The following MPP7 variants were observed in gnomAD, a reference collection of about 807,000 sequenced individuals.
MPP7 encodes the protein MAGUK p55 scaffold protein 7.
Under a neutral mutation model 76.5 loss-of-function variants are expected in MPP7, and 60 were observed. That is an observed-to-expected ratio of 0.78 (90% CI 0.64 to 0.97). MPP7 has a LOEUF of 0.97. Ranked by LOEUF, MPP7 falls within the 50% of genes least tolerant of loss-of-function variation. The pLI, the probability that MPP7 is intolerant of heterozygous loss-of-function variation, is 0.00. For synonymous variants in MPP7, 237 were observed against 244.5 expected (o/e 0.97, Z 0.29); for missense variants, 641 against 694.0 (o/e 0.92, Z 0.86).
chr10:28,102,576 A>T (rs1853875816), intron 11 of MPP7, among the ~76,000 whole-genome samples: 1 of 152,174 alleles, frequency 6.6e-6, no homozygotes, highest in Admixed American at 6.5e-5. Flanking sequence ...TGTCAACTCA[A>T]TACGCCTCAA....
At chr10:28,298,195 T>C (rs551794497) in intron 1 of MPP7, among the ~76,000 whole-genome samples, 5 of 152,204 alleles carry the variant, frequency 3.3e-5, no homozygotes, top group African/African-American at 7.2e-5. Flanking sequence ...CTTAATGGCA[T>C]CTAGAATTGT....
chr10:28,150,115 C>G (rs1280666045), intron 3 of MPP7, 56 bp from the exon 4 acceptor site: 1 of 1,237,196 alleles, frequency 8.1e-7, no homozygotes, highest in African/African-American at 1.5e-5. Context: ...TCTCAGATAG[C>G]TGCACATTTT....
intron 3 of MPP7, among the ~76,000 whole-genome samples, chr10:28,164,826 T>C (rs1242649713): frequency 6.6e-6 from 1 of 152,100 alleles, no homozygotes; most frequent in Non-Finnish European, 1.5e-5. Context: ...GGCTGAGGGA[T>C]GAAGAATAAG....
chr10:28,156,091 G>T (rs1836052743), intron 3 of MPP7, among the ~76,000 whole-genome samples: 2 of 152,336 alleles, frequency 1.3e-5, no homozygotes, highest in South Asian at 2.1e-4. Flanking sequence ...AAAAGATGAA[G>T]TATCAACATA....
intron 3 of MPP7, among the ~76,000 whole-genome samples, chr10:28,166,286 C>T (rs1366893297): frequency 6.6e-6 from 1 of 151,950 alleles, no homozygotes; most frequent in Non-Finnish European, 1.5e-5. Flanking sequence ...TACCAACAAA[C>T]CATCCACTAG....
rs180795085 is a variant in MPP7, at chr10:28,211,685, G to A, written c.38-9414C>T. Among the ~76,000 whole-genome samples, 671 of 152,070 alleles carry A rather than the reference G, an allele frequency of 4.4e-3. 5 individuals carry two copies. Among genetic ancestry groups the A allele is most frequent in the African/African-American group, 0.015 (638 of 41,480 alleles). ...GATAATTACAAGCTGTCATCATTTC[G>A]AATTAATAAGATTGCATTATCTTTT... On this transcript the variant is annotated intron_variant, in intron 2 of 16. Transcript: ENST00000683449.
At chr10:28,284,876 G>T (rs941123320) in intron 1 of MPP7, among the ~76,000 whole-genome samples, 1 of 152,044 alleles carries the variant, frequency 6.6e-6, no homozygotes, top group African/African-American at 2.4e-5. Context: ...CTAAAGACAA[G>T]AACAAGTGTT....
intron 11 of MPP7, among the ~76,000 whole-genome samples, chr10:28,097,640 CATTAT>C (rs1248031647): frequency 6.6e-6 from 1 of 152,062 alleles, no homozygotes; most frequent in Non-Finnish European, 1.5e-5. Flanking sequence ...ATTTCTATTA[CATTAT>C]GTTAGGTATG....
chr10:28,254,049 T>C (rs1332501278), intron 1 of MPP7, among the ~76,000 whole-genome samples: 6 of 139,446 alleles, frequency 4.3e-5, no homozygotes, highest in Admixed American at 2.8e-4. Context: ...TTTTGCTATA[T>C]CCATTCTTAT....
At chr10:28,124,596 C>T (rs1364949688) in intron 7 of MPP7, among the ~76,000 whole-genome samples, 1 of 150,694 alleles carries the variant, frequency 6.6e-6, no homozygotes, top group South Asian at 2.1e-4. Flanking sequence ...CTGCCTCAGC[C>T]TTGCAAGTAG....
chr10:28,309,274 C>G (rs1371696799), intron 2 of MPP7, among the ~76,000 whole-genome samples: 1 of 151,876 alleles, frequency 6.6e-6, no homozygotes, highest in African/African-American at 2.4e-5. Flanking sequence ...ATTAGCTGAG[C>G]GTGGTGGCAG....
intron 2 of MPP7, among the ~76,000 whole-genome samples, chr10:28,221,839 T>C (rs2134067495): frequency 6.6e-6 from 1 of 152,294 alleles, no homozygotes; most frequent in Non-Finnish European, 1.5e-5. Flanking sequence ...AAAGAGAAGT[T>C]TAACATTTAA....
At chr10:28,105,568 C>T (rs1022743380) in intron 11 of MPP7, among the ~76,000 whole-genome samples, 11 of 152,154 alleles carry the variant, frequency 7.2e-5, no homozygotes, top group Non-Finnish European at 1.6e-4. Context: ...AATGCAATGG[C>T]GCGATCTCAG....
chr10:28,325,951 G>A lies in MPP7; in HGVS notation c.-132+3978C>T, dbSNP rs1426040366. Among the ~76,000 whole-genome samples the A allele has an allele frequency of 2.1e-5, 3 of 146,276 alleles. 1 individual carries two copies. The highest frequency in any genetic ancestry group is 5.1e-5 in the African/African-American group (2 of 38,994). ...TGATCGTACCACTTCACTCCAGCCA[G>A]GGTGACAGAGTGAGACCTCATCTCA... On this transcript the variant is annotated intron_variant, in intron 2 of 11. Coordinates refer to the MPP7 transcript ENST00000441595.
chr10:28,103,838 C>A (rs998414700), intron 11 of MPP7, among the ~76,000 whole-genome samples: 3 of 151,860 alleles, frequency 2.0e-5, no homozygotes, highest in Non-Finnish European at 2.9e-5. Flanking sequence ...GGTTCTCTCT[C>A]GAGAGAAGCC....
intron 2 of MPP7, among the ~76,000 whole-genome samples, chr10:28,214,554 T>C (rs1176054661): frequency 6.6e-6 from 1 of 152,144 alleles, no homozygotes; most frequent in African/African-American, 2.4e-5. Flanking sequence ...GCTTACTATC[T>C]ATGTGCCAGG....
At chr10:28,084,977 G>A (rs950096752) in intron 12 of MPP7, among the ~76,000 whole-genome samples, 6 of 152,084 alleles carry the variant, frequency 3.9e-5, no homozygotes, top group Non-Finnish European at 5.9e-5. Flanking sequence ...TTGTAGACGT[G>A]GGCAGGATTC....
intron 3 of MPP7, among the ~76,000 whole-genome samples, chr10:28,167,644 C>T (rs1448092769): frequency 6.6e-6 from 1 of 151,760 alleles, no homozygotes; most frequent in Non-Finnish European, 1.5e-5. Flanking sequence ...AAGTACTTGG[C>T]TGATAAAAAA....
chr10:28,206,037 G>A (rs1203015461), intron 2 of MPP7, among the ~76,000 whole-genome samples: 4 of 152,096 alleles, frequency 2.6e-5, no homozygotes, highest in East Asian at 1.9e-4. Flanking sequence ...CTGGTTCCTC[G>A]ATCTTGGACT....
Sources: gnomAD v4.1 joint callset for allele counts (sites outside exome capture counted in the v4.1 genomes callset) on GRCh38, gnomAD v4.1.1 for gene constraint, MANE v1.5 for transcripts, NCBI Gene and HGNC (gene_info 2026-07-23, HGNC 2026-07-21) for gene names.